The following PCDH7 variants were observed in gnomAD, a reference collection of about 807,000 sequenced individuals.
The protein encoded by PCDH7 is protocadherin 7, also known as protocadherin-7.
In PCDH7, 17 loss-of-function variants were observed where a neutral mutation model predicts 58.9. That is an observed-to-expected ratio of 0.29 (90% CI 0.20 to 0.43). PCDH7 has a LOEUF of 0.43. Among genes scored for constraint, PCDH7 ranks in the 20% least tolerant of loss-of-function variants. The pLI is 1.00. For synonymous variants in PCDH7, 664 were observed against 616.4 expected (o/e 1.08, Z -1.14); for missense variants, 1,274 against 1,441.0 (o/e 0.88, Z 1.88).
At chr4:31,039,757 T>C (rs1435518355) in intron 3 of PCDH7, among the ~76,000 whole-genome samples, 1 of 152,194 alleles carries the variant, frequency 6.6e-6, no homozygotes, top group African/African-American at 2.4e-5. Flanking sequence ...TATGTATGTA[T>C]AGGCACAGTT....
In PCDH7 at chr4:31,053,861, T is replaced by C. The variant is rs774367213; in HGVS notation, c.*8-88612T>C. Among the ~76,000 whole-genome samples the C allele has an allele frequency of 1.6e-4, 25 of 152,040 alleles. 1 individual carries two copies. Among genetic ancestry groups the C allele is most frequent in the Non-Finnish European group, 3.2e-4 (22 of 68,022 alleles). On this transcript the variant is annotated intron_variant, in intron 3 of 3. Coordinates refer to the PCDH7 transcript ENST00000509759. ...GTATATAAAATAATATATAAAAATATGTTATATATAAAAACTAGGTTACTA... is the reference window on the plus strand; with the variant it reads ...GTATATAAAATAATATATAAAAATACGTTATATATAAAAACTAGGTTACTA...
chr4:30,830,685 G>A (rs1729662614), intron 1 of PCDH7, among the ~76,000 whole-genome samples: 1 of 151,950 alleles, frequency 6.6e-6, no homozygotes, highest in African/African-American at 2.4e-5. Context: ...GGAGGTCATT[G>A]TGGTTACTTC....
intron 1 of PCDH7, among the ~76,000 whole-genome samples, chr4:30,874,718 TGA>T (rs1491312157): frequency 3.4e-4 from 43 of 126,566 alleles, no homozygotes; most frequent in African/African-American, 1.1e-3. Context: ...ATAGTGAAAT[TGA>T]AAAAAAAAAA....
chr4:31,014,643 CA>C (rs1360275014), intron 3 of PCDH7, among the ~76,000 whole-genome samples: 1 of 152,150 alleles, frequency 6.6e-6, no homozygotes, highest in African/African-American at 2.4e-5. Context: ...AATGAGAATA[CA>C]TTTTTTTCTG....
downstream of PCDH7, among the ~76,000 whole-genome samples, chr4:30,733,383 T>G (rs1290899726): frequency 6.6e-6 from 1 of 152,132 alleles, no homozygotes; most frequent in African/African-American, 2.4e-5. Context: ...AGATAGAGTC[T>G]TTGCCCTCAT....
intron 1 of PCDH7, among the ~76,000 whole-genome samples, chr4:30,760,667 T>C (rs1158616209): frequency 1.3e-5 from 2 of 152,134 alleles, no homozygotes; most frequent in Non-Finnish European, 2.9e-5. Flanking sequence ...CAAGGGGAAC[T>C]ACAAACCACT....
chr4:30,790,039 A>T (rs16884098), intron 1 of PCDH7, among the ~76,000 whole-genome samples: 3,944 of 152,326 alleles, frequency 0.026, 107 homozygotes, highest in East Asian at 0.12. Flanking sequence ...TCGCATGAAT[A>T]AAAATGTCAC....
intron 3 of PCDH7, among the ~76,000 whole-genome samples, chr4:31,081,257 A>G (rs1759476296): frequency 6.6e-6 from 1 of 152,238 alleles, no homozygotes; most frequent in African/African-American, 2.4e-5. Flanking sequence ...TGTTTTCTAA[A>G]TAGTAAGCAG....
In PCDH7 at chr4:30,849,127, T is replaced by A. The variant is rs1732373451; in HGVS notation, c.71-71026T>A. 1.3e-5 allele frequency among the ~76,000 whole-genome samples: 2 copies of A among 152,242 alleles called. 1 individual carries two copies. The highest frequency in any genetic ancestry group is 6.8e-3 in the Middle Eastern group (2 of 294). On this transcript the variant is annotated intron_variant, in intron 1 of 3. Coordinates refer to the PCDH7 transcript ENST00000509759. ...AAAATAGCATAGGGAAGTCTATTTTTATGATTTAAATGTCAGTATGGAAAA... is the reference window on the plus strand; with the variant it reads ...AAAATAGCATAGGGAAGTCTATTTTAATGATTTAAATGTCAGTATGGAAAA...
At chr4:31,140,226 C>T (rs1347959436) in intron 3 of PCDH7, among the ~76,000 whole-genome samples, 2 of 152,024 alleles carry the variant, frequency 1.3e-5, no homozygotes, top group Non-Finnish European at 2.9e-5. Context: ...GCATCTCAAA[C>T]AACAGGAAAA....
At chr4:30,964,857 T>C (rs1748858556) in intron 3 of PCDH7, among the ~76,000 whole-genome samples, 1 of 152,212 alleles carries the variant, frequency 6.6e-6, no homozygotes, top group Non-Finnish European at 1.5e-5. Context: ...TTGTATGCTG[T>C]TCTTAATTTT....
At chr4:31,098,660 G>A (rs1714492024) in intron 3 of PCDH7, among the ~76,000 whole-genome samples, 1 of 152,060 alleles carries the variant, frequency 6.6e-6, no homozygotes, top group Non-Finnish European at 1.5e-5. Flanking sequence ...AATATAAATG[G>A]TAGTTTTCAA....
intron 3 of PCDH7, among the ~76,000 whole-genome samples, chr4:30,984,237 G>A (rs901499925): frequency 2.5e-4 from 38 of 152,112 alleles, no homozygotes; most frequent in Non-Finnish European, 2.2e-4. Flanking sequence ...ATCTTGCCTC[G>A]TAACTAGAGA....
intron 3 of PCDH7, among the ~76,000 whole-genome samples, chr4:30,985,456 A>C (rs1750890549): frequency 6.6e-6 from 1 of 152,212 alleles, no homozygotes; most frequent in South Asian, 2.1e-4. Flanking sequence ...AACATCTAGT[A>C]AAATGGAAAG....
intron 2 of PCDH7, among the ~76,000 whole-genome samples, chr4:30,945,390 T>C (rs1578377695): frequency 6.6e-6 from 1 of 152,110 alleles, no homozygotes; most frequent in Non-Finnish European, 1.5e-5. Flanking sequence ...TTAAACACTT[T>C]TAAAATTTAA....
intron 1 of PCDH7, among the ~76,000 whole-genome samples, chr4:30,852,394 A>G (rs530671418): frequency 6.6e-6 from 1 of 152,188 alleles, no homozygotes; most frequent in Admixed American, 6.6e-5. Context: ...TAGATCTGAG[A>G]TAGTATCCCA....
intron 3 of PCDH7, among the ~76,000 whole-genome samples, chr4:30,968,325 A>ATG (rs1749186784): frequency 8.6e-6 from 1 of 116,330 alleles, no homozygotes; most frequent in African/African-American, 4.1e-5. Context: ...TACACTATAT[A>ATG]TATATATACA....
chr4:31,113,405 TA>T (rs1417684612), intron 3 of PCDH7, among the ~76,000 whole-genome samples: 1 of 152,232 alleles, frequency 6.6e-6, no homozygotes, highest in African/African-American at 2.4e-5. Context: ...TGGTGATACT[TA>T]AGTATTACAT....
At chr4:31,006,997 T>C (rs1013810932) in intron 3 of PCDH7, among the ~76,000 whole-genome samples, 2 of 152,144 alleles carry the variant, frequency 1.3e-5, no homozygotes, top group African/African-American at 2.4e-5. Context: ...GTTTATATTT[T>C]AAAAAGCAGG....
Sources: gnomAD v4.1 joint callset for allele counts (sites outside exome capture counted in the v4.1 genomes callset) on GRCh38, gnomAD v4.1.1 for gene constraint, MANE v1.5 for transcripts, NCBI Gene and HGNC (gene_info 2026-07-23, HGNC 2026-07-21) for gene names.